GPHN: variants seen among roughly 807,000 people sequenced by gnomAD.
GPHN encodes gephyrin.
GPHN carries 17 observed loss-of-function variants against 95.5 expected under a neutral mutation model. That is an observed-to-expected ratio of 0.18 (90% confidence interval 0.12 to 0.27). The LOEUF is 0.27. Among genes scored for constraint, GPHN ranks in the 10% least tolerant of loss-of-function variants. The probability of loss-of-function intolerance (pLI) is 1.00; values close to 1 mark genes in which losing one functional copy is unlikely to be tolerated. For missense variants in GPHN, 660 were observed against 978.1 expected (o/e 0.67, Z 4.34); for synonymous variants, 320 against 322.5 (o/e 0.99, Z 0.08).
chr14:67,498,735 G>A, the GPHN span, among the ~76,000 whole-genome samples: 59,952 of 151,472 alleles, frequency 0.4, 13,464 homozygotes, highest in South Asian at 0.54. Flanking sequence ...GCGTGATCTC[G>A]GCTCACCGCA....
the GPHN span, among the ~76,000 whole-genome samples, chr14:67,316,663 A>C: frequency 6.6e-6 from 1 of 152,194 alleles, no homozygotes; most frequent in African/African-American, 2.4e-5. Flanking sequence ...TATTTTAAAA[A>C]TTTGGAGGCT....
the GPHN span, among the ~76,000 whole-genome samples, chr14:67,356,415 T>A: frequency 7.0e-6 from 1 of 143,296 alleles, no homozygotes; most frequent in Non-Finnish European, 1.5e-5. Flanking sequence ...AGGGAAAACC[T>A]GCCTCAAAAA....
chr14:66,579,883 G>A (rs906546751), intron 1 of GPHN, among the ~76,000 whole-genome samples: 6 of 151,726 alleles, frequency 4.0e-5, no homozygotes, highest in East Asian at 3.8e-4. Flanking sequence ...CCTAACAAAC[G>A]TATATCAGAA....
chr14:67,325,996 T>C, the GPHN span, among the ~76,000 whole-genome samples: 3 of 145,846 alleles, frequency 2.1e-5, no homozygotes, highest in Non-Finnish European at 4.5e-5. Context: ...TTTTTTTTTT[T>C]TTGTATTTTT....
At chr14:67,198,649 T>C in the GPHN span, among the ~76,000 whole-genome samples, 1 of 152,158 alleles carries the variant, frequency 6.6e-6, no homozygotes, top group African/African-American at 2.4e-5. Flanking sequence ...TTCTTAGGCG[T>C]AGAAGACATT....
chr14:67,432,270 A>T, the GPHN span, among the ~76,000 whole-genome samples: 2 of 152,272 alleles, frequency 1.3e-5, no homozygotes, highest in African/African-American at 4.8e-5. Flanking sequence ...AGAGTTAGGC[A>T]TCTAAAGAAT....
the GPHN span, chr14:67,589,946 C>A: frequency 1.7e-5 from 23 of 1,346,152 alleles, no homozygotes; most frequent in Non-Finnish European, 2.1e-5. Context: ...TGCTCTATGG[C>A]TCTAAGATGC....
chr14:67,203,212 C>A, the GPHN span: 1 of 1,613,852 alleles, frequency 6.2e-7, no homozygotes, highest in Non-Finnish European at 8.5e-7. Flanking sequence ...GCCCATCTGA[C>A]ACCTGGTGCC....
chr14:67,594,012 C>T, the GPHN span: 2 of 1,113,556 alleles, frequency 1.8e-6, no homozygotes, highest in Admixed American at 3.9e-5. Flanking sequence ...CAACTCCAGG[C>T]AATGAGGGGA....
At chr14:66,521,021 A>G (rs1298781294) in intron 1 of GPHN, among the ~76,000 whole-genome samples, 1 of 152,192 alleles carries the variant, frequency 6.6e-6, no homozygotes, top group Non-Finnish European at 1.5e-5. Flanking sequence ...TGTTCCCACA[A>G]AAGACATGAT....
the GPHN span, among the ~76,000 whole-genome samples, chr14:67,625,367 T>A: frequency 2.6e-5 from 4 of 152,148 alleles, no homozygotes; most frequent in African/African-American, 9.7e-5. Context: ...AATACATCTA[T>A]GTTTCAAAGA....
chr14:67,277,554 CAAG>C, the GPHN span, among the ~76,000 whole-genome samples: 2 of 151,234 alleles, frequency 1.3e-5, no homozygotes, highest in Non-Finnish European at 2.9e-5. Context: ...ATGCCCAACT[CAAG>C]GAGGTAGTAG....
the GPHN span, among the ~76,000 whole-genome samples, chr14:67,608,826 G>GT: frequency 2.0e-5 from 3 of 152,330 alleles, no homozygotes; most frequent in South Asian, 2.1e-4. Flanking sequence ...TCTCTGGGCA[G>GT]TTTTTTACAA....
chr14:67,271,384 C>T, the GPHN span: 2 of 152,264 alleles, frequency 1.3e-5, no homozygotes, highest in South Asian at 4.1e-4. Context: ...ATTCTGAAGC[C>T]TTCTGTTGTT....
chr14:66,983,256 A>T (rs989885166), intron 9 of GPHN, among the ~76,000 whole-genome samples: 2 of 152,080 alleles, frequency 1.3e-5, no homozygotes, highest in African/African-American at 2.4e-5. Context: ...CATCTCAAAA[A>T]AATAATAATA....
the GPHN span, among the ~76,000 whole-genome samples, chr14:67,372,969 G>A: frequency 6.6e-6 from 1 of 152,148 alleles, no homozygotes; most frequent in Non-Finnish European, 1.5e-5. Flanking sequence ...AACATCATTA[G>A]TCATTAGGAA....
the GPHN span, among the ~76,000 whole-genome samples, chr14:67,655,511 A>T: frequency 2.7e-5 from 4 of 150,536 alleles, no homozygotes; most frequent in African/African-American, 2.4e-5. Context: ...ATCCTTAGAC[A>T]TTTTTTTCCC....
chr14:67,697,376 G>A, the GPHN span, among the ~76,000 whole-genome samples: 28 of 152,280 alleles, frequency 1.8e-4, no homozygotes, highest in African/African-American at 6.3e-4. Context: ...AGAGTGTGCT[G>A]AGCAGAGGAA....
At chr14:67,270,408 A>T in the GPHN span, 1 of 151,976 alleles carries the variant, frequency 6.6e-6, no homozygotes, top group African/African-American at 2.4e-5. Context: ...TTTGAAATGT[A>T]GTCCTTTGAA....
Sources: gnomAD v4.1 joint callset for allele counts (sites outside exome capture counted in the v4.1 genomes callset) on GRCh38, gnomAD v4.1.1 for gene constraint, MANE v1.5 for transcripts, NCBI Gene and HGNC (gene_info 2026-07-23, HGNC 2026-07-21) for gene names.